HNRNPC: variants seen among roughly 807,000 people sequenced by gnomAD.
HNRNPC encodes heterogeneous nuclear ribonucleoprotein C, also known as heterogeneous nuclear ribonucleoproteins C1/C2.
Under a neutral mutation model 33.2 loss-of-function variants are expected in HNRNPC, and 3 were observed. The ratio of observed to expected loss-of-function variants is 0.09; its 90% CI spans 0.04 to 0.23. HNRNPC has a LOEUF of 0.23. Among genes scored for constraint, HNRNPC ranks in the 10% least tolerant of loss-of-function variants. HNRNPC has a pLI of 1.00. For synonymous variants in HNRNPC, 121 were observed against 126.7 expected, an observed-to-expected ratio of 0.96 and a Z score of 0.30; for missense variants, 143 against 366.7, an observed-to-expected ratio of 0.39 and a Z score of 4.98.
chr14:21,211,317 C>G lies in HNRNPC; in HGVS notation c.799-11G>C. On this transcript the variant is annotated splice_polypyrimidine_tract_variant and intron_variant, in intron 8 of 8. Coordinates refer to ENST00000553300, the MANE Select transcript of HNRNPC (RefSeq NM_004500.4). ...CTTGATCAACTCCAGCTGTGAGAAA[C>G]AGACACAAACAGGATGGAGTTAGAG... is the stretch of plus-strand genomic sequence containing the variant. 1 of 1,613,714 alleles carries G rather than the reference C, an allele frequency of 6.2e-7. No homozygotes were observed. Among genetic ancestry groups the G allele is most frequent in the Non-Finnish European group, 8.5e-7 (1 of 1,179,678 alleles).
chr14:21,225,329 C>T lies in HNRNPC; in HGVS notation c.365+4990G>A, dbSNP rs560642895. ...CTGTAACCCCAGCTAATTGGGAGGCCGATGATGCACAAGAATTACTTGAAC... is the reference window on the plus strand; with the variant it reads ...CTGTAACCCCAGCTAATTGGGAGGCTGATGATGCACAAGAATTACTTGAAC... On this transcript the variant is annotated intron_variant, in intron 5 of 8. Coordinates refer to ENST00000553300, the MANE Select transcript of HNRNPC (RefSeq NM_004500.4). 1.7e-3 allele frequency among the ~76,000 whole-genome samples: 254 copies of T among 151,354 alleles called. 1 individual carries two copies. The highest frequency in any genetic ancestry group is 3.3e-3 in the Non-Finnish European group (225 of 67,896).
chr14:21,266,339 TCCAC>T (rs1429367554), intron 1 of HNRNPC, among the ~76,000 whole-genome samples: 2 of 152,016 alleles, frequency 1.3e-5, no homozygotes, highest in African/African-American at 4.8e-5. Flanking sequence ...GACCTCGTGA[TCCAC>T]CCGCCTCAGC....
At chr14:21,222,319 A>G (rs1429459622) in intron 5 of HNRNPC, among the ~76,000 whole-genome samples, 1 of 152,170 alleles carries the variant, frequency 6.6e-6, no homozygotes, top group East Asian at 1.9e-4. Flanking sequence ...ATATACTCAA[A>G]AGAAATGAAA....
chr14:21,249,593 C>CAAAAAAAAAAAAA (rs756880620), intron 2 of HNRNPC, among the ~76,000 whole-genome samples: 12 of 83,434 alleles, frequency 1.4e-4, no homozygotes, highest in South Asian at 4.1e-4. Flanking sequence ...GTCTCAAAAA[C>CAAAAAAAAAAAAA]AAAAAAAAAA....
chr14:21,236,515 T>TAACC, intron 2 of HNRNPC: 1 of 152,282 alleles, frequency 6.6e-6, no homozygotes, highest in South Asian at 2.1e-4. Context: ...AAATATTTAC[T>TAACC]AACCATGTGC....
intron 5 of HNRNPC, among the ~76,000 whole-genome samples, chr14:21,221,114 C>G (rs1892783646): frequency 6.6e-6 from 1 of 152,128 alleles, no homozygotes; most frequent in South Asian, 2.1e-4. Flanking sequence ...GCAAAAAACA[C>G]AGCTATTGTG....
intron 1 of HNRNPC, chr14:21,264,043 A>T (rs1367092907): frequency 2.0e-5 from 3 of 152,216 alleles, no homozygotes; most frequent in Non-Finnish European, 4.4e-5. Flanking sequence ...AACTAAATTC[A>T]TGTCAATATG....
intron 1 of HNRNPC, chr14:21,264,923 G>A (rs1238108796): frequency 1.3e-5 from 2 of 152,152 alleles, no homozygotes; most frequent in Admixed American, 1.3e-4. Flanking sequence ...AGTCTGAGGA[G>A]CGAGGATCAC....
chr14:21,239,796 C>T (rs1895142643), intron 2 of HNRNPC, among the ~76,000 whole-genome samples: 2 of 151,808 alleles, frequency 1.3e-5, no homozygotes, highest in African/African-American at 4.8e-5. Context: ...ATCCCTTGAA[C>T]CCGTGAGGTG....
chr14:21,247,534 G>A (rs1896121915), intron 2 of HNRNPC, among the ~76,000 whole-genome samples: 1 of 151,784 alleles, frequency 6.6e-6, no homozygotes, highest in Admixed American at 6.6e-5. Context: ...TCTATTTTTT[G>A]TACCCCGAAA....
At chr14:21,212,622 A>C in intron 6 of HNRNPC, among the ~76,000 whole-genome samples, 1 of 151,308 alleles carries the variant, frequency 6.6e-6, no homozygotes. Flanking sequence ...GGCTCACTGC[A>C]ACCTCCGCCT....
chr14:21,218,588 T>C, intron 5 of HNRNPC, among the ~76,000 whole-genome samples: 1 of 141,592 alleles, frequency 7.1e-6, no homozygotes. Context: ...CTCAGGAGGC[T>C]GAGGCACTGC....
At chr14:21,235,517 A>T (rs1476016771) in intron 2 of HNRNPC, among the ~76,000 whole-genome samples, 1 of 152,206 alleles carries the variant, frequency 6.6e-6, no homozygotes, top group African/African-American at 2.4e-5. Flanking sequence ...ACTTCCTTCC[A>T]AATCTTTCTG....
intron 1 of HNRNPC, chr14:21,264,286 ATAC>A (rs1878632538): frequency 6.6e-6 from 1 of 152,206 alleles, no homozygotes; most frequent in African/African-American, 2.4e-5. Flanking sequence ...ATGAAGATCT[ATAC>A]TAGAGATGAC....
intron 2 of HNRNPC, among the ~76,000 whole-genome samples, chr14:21,250,522 C>T (rs548389007): frequency 2.0e-5 from 3 of 152,240 alleles, no homozygotes; most frequent in East Asian, 1.9e-4. Context: ...GGTTATATCA[C>T]GCCAAGATAT....
intron 2 of HNRNPC, among the ~76,000 whole-genome samples, chr14:21,258,422 A>T (rs1220261452): frequency 2.0e-5 from 3 of 152,092 alleles, no homozygotes; most frequent in African/African-American, 7.2e-5. Flanking sequence ...TATCAAAGTG[A>T]CGAAAGGAGT....
intron 6 of HNRNPC, among the ~76,000 whole-genome samples, chr14:21,212,260 CCT>C (rs1891697583): frequency 6.6e-6 from 1 of 152,112 alleles, no homozygotes; most frequent in African/African-American, 2.4e-5. Context: ...TTAGCCTCCC[CCT>C]AAGCATCTGG....
chr14:21,242,227 G>GT (rs1189245071), intron 2 of HNRNPC, among the ~76,000 whole-genome samples: 1 of 152,210 alleles, frequency 6.6e-6, no homozygotes, highest in Non-Finnish European at 1.5e-5. Flanking sequence ...GCTCACGCCT[G>GT]TAATCCCAGC....
At chr14:21,255,473 T>C (rs909804655) in intron 2 of HNRNPC, among the ~76,000 whole-genome samples, 1 of 152,368 alleles carries the variant, frequency 6.6e-6, no homozygotes, top group Non-Finnish European at 1.5e-5. Flanking sequence ...GGCAACACGG[T>C]AGTCTATGTG....
Sources: allele counts gnomAD v4.1 joint callset (sites outside exome capture counted in the v4.1 genomes callset), GRCh38; gene constraint gnomAD v4.1.1; transcripts MANE v1.5; gene names NCBI Gene and HGNC (gene_info 2026-07-23, HGNC 2026-07-21).